The following EFCAB7 variants were observed in gnomAD, a reference collection of about 807,000 sequenced individuals.
EFCAB7 encodes the protein EF-hand calcium binding domain 7.
A neutral mutation model predicts 77.1 loss-of-function variants in EFCAB7; 66 were observed. That is an observed-to-expected ratio of 0.86 (90% CI 0.70 to 1.05). The LOEUF is 1.05. EFCAB7 is among the 50% of genes least tolerant of loss of function. The pLI is 0.00. For synonymous variants in EFCAB7, 225 were observed against 243.3 expected, an observed-to-expected ratio of 0.92 and a Z score of 0.70; for missense variants, 638 against 730.5, an observed-to-expected ratio of 0.87 and a Z score of 1.46.
At chr1:63,542,691 C>T (rs1472300757) in intron 6 of EFCAB7, among the ~76,000 whole-genome samples, 3 of 152,000 alleles carry the variant, frequency 2.0e-5, no homozygotes, top group Non-Finnish European at 2.9e-5. Context: ...TATGATTTGT[C>T]TTTCCTTAAT....
intron 11 of EFCAB7, among the ~76,000 whole-genome samples, chr1:63,564,779 G>A (rs1292663065): frequency 6.6e-6 from 1 of 152,072 alleles, no homozygotes; most frequent in Non-Finnish European, 1.5e-5. Context: ...AAAGAACAAA[G>A]CTGGAGGCAT....
Position 63,557,263 on chromosome 1 carries a change from T to C in EFCAB7, c.1348+16T>C, listed in dbSNP as rs773722286. 37 of 1,585,406 alleles carry C rather than the reference T, an allele frequency of 2.3e-5. No individual in the cohort carries two copies. The South Asian group carries it at 3.9e-4, about 17-fold the overall frequency. ...GTCTGCAGAGGTAAGCACTTTTCTT[T>C]TCCTTAACAGATGTATAAAAATATA... is the stretch of plus-strand genomic sequence containing the variant. On this transcript the variant is annotated intron_variant, in intron 10 of 13. Transcript: ENST00000371088.
At chr1:63,536,136 A>G (rs1646760081) in intron 6 of EFCAB7, among the ~76,000 whole-genome samples, 1 of 152,222 alleles carries the variant, frequency 6.6e-6, no homozygotes, top group African/African-American at 2.4e-5. Context: ...TTTAATGATT[A>G]AAAGAAAAGG....
intron 6 of EFCAB7, 102 bp from the exon 7 acceptor site, chr1:63,545,814 T>A: frequency 2.1e-6 from 2 of 954,464 alleles, no homozygotes; most frequent in Non-Finnish European, 3.2e-6. Context: ...AATGATTATA[T>A]TTGACATTTC....
intron 3 of EFCAB7, 105 bp downstream of exon 3, chr1:63,532,136 G>A (rs1646705197): frequency 1.3e-6 from 1 of 794,720 alleles, no homozygotes; most frequent in African/African-American, 1.8e-5. Flanking sequence ...TTCATTGAGA[G>A]GTTAAATGAA....
chr1:63,531,566 C>A (rs1363048694), intron 2 of EFCAB7, among the ~76,000 whole-genome samples: 1 of 152,008 alleles, frequency 6.6e-6, no homozygotes, highest in Admixed American at 6.6e-5. Context: ...GAGAACCAAA[C>A]TGTCAGAATA....
chr1:63,562,498 A>AC (rs1647120788), intron 11 of EFCAB7, among the ~76,000 whole-genome samples: 1 of 63,300 alleles, frequency 1.6e-5, no homozygotes, highest in African/African-American at 8.0e-5. Flanking sequence ...TATATATAAA[A>AC]CTTTTTTTTT....
chr1:63,583,124 G>A, the EFCAB7 span, among the ~76,000 whole-genome samples: 9 of 152,144 alleles, frequency 5.9e-5, no homozygotes, highest in Admixed American at 1.3e-4. Context: ...AGACTAATGT[G>A]CCCTATTCTG....
chr1:63,566,511 GA>G (rs1281335659), intron 11 of EFCAB7, among the ~76,000 whole-genome samples: 4 of 151,566 alleles, frequency 2.6e-5, no homozygotes, highest in African/African-American at 7.3e-5. Context: ...TAAAAAAAAA[GA>G]AAAAAAATTA....
At chr1:63,545,488 A>G (rs545251962) in intron 6 of EFCAB7, among the ~76,000 whole-genome samples, 2 of 152,044 alleles carry the variant, frequency 1.3e-5, no homozygotes, top group Non-Finnish European at 2.9e-5. Flanking sequence ...TTTTTTTGAG[A>G]CGGAGTTTCC....
the EFCAB7 span, among the ~76,000 whole-genome samples, chr1:63,584,004 A>G: frequency 6.6e-6 from 1 of 152,008 alleles, no homozygotes; most frequent in Non-Finnish European, 1.5e-5. Context: ...GAGAAATTCA[A>G]GACACCACAC....
chr1:63,534,935 C>T (rs1403328094), intron 6 of EFCAB7, among the ~76,000 whole-genome samples: 2 of 152,002 alleles, frequency 1.3e-5, no homozygotes, highest in Non-Finnish European at 2.9e-5. Flanking sequence ...AATTTTAAAA[C>T]ATTATCTCCA....
chr1:63,575,367 A>G (rs1030648301), downstream of EFCAB7, among the ~76,000 whole-genome samples: 19 of 151,962 alleles, frequency 1.3e-4, no homozygotes, highest in Non-Finnish European at 1.5e-5. Context: ...ATGAAGCAGA[A>G]ACTTAATATA....
the EFCAB7 span, among the ~76,000 whole-genome samples, chr1:63,580,052 G>C: frequency 3.3e-5 from 5 of 152,152 alleles, no homozygotes; most frequent in Admixed American, 3.3e-4. Context: ...CGTATAGAGA[G>C]TGAAAGTTTT....
Position 63,551,715 on chromosome 1 carries a change from TTG to T in EFCAB7, c.947-8_947-7del. 2 of 1,463,878 alleles carry T rather than the reference TTG, an allele frequency of 1.4e-6. No individual in the cohort carries two copies. Among genetic ancestry groups the T allele is most frequent in the East Asian group, 2.4e-5 (1 of 42,072 alleles). The allele number at this position is 1,463,878 out of a possible 1,614,324, so 90.7% of individuals were successfully genotyped here. A position where few individuals can be genotyped will look rare whatever the true frequency, so the allele number is the denominator to read the frequency against. ...TTTTAAGGTGTTTGGGCTTTTTTTT[TTG>T]TTTGTAGGAAAACCATCCCCTTGGT... On this transcript the variant is annotated splice_region_variant and splice_polypyrimidine_tract_variant and intron_variant, in intron 7 of 13. Transcript: ENST00000371088.
chr1:63,528,172 G>A (rs984405453), intron 2 of EFCAB7, among the ~76,000 whole-genome samples: 6 of 152,014 alleles, frequency 3.9e-5, no homozygotes, highest in Non-Finnish European at 8.8e-5. Context: ...TGGAAGCAAC[G>A]TAAGAGTTCA....
At chr1:63,559,015 T>C (rs1647062091) in intron 10 of EFCAB7, among the ~76,000 whole-genome samples, 1 of 147,344 alleles carries the variant, frequency 6.8e-6, no homozygotes, top group African/African-American at 2.5e-5. Flanking sequence ...AATTGTCTCT[T>C]AAAAAGAAAA....
At chr1:63,526,984 C>T (rs932819955) in intron 2 of EFCAB7, among the ~76,000 whole-genome samples, 2 of 152,188 alleles carry the variant, frequency 1.3e-5, no homozygotes, top group African/African-American at 4.8e-5. Flanking sequence ...AGGCTGGTCT[C>T]GAGCTCCTGA....
At chr1:63,529,461 C>T (rs982454465) in intron 2 of EFCAB7, among the ~76,000 whole-genome samples, 9 of 152,008 alleles carry the variant, frequency 5.9e-5, no homozygotes, top group Non-Finnish European at 1.0e-4. Flanking sequence ...TGCCTATAAT[C>T]CCAGCACTTT....
Sources: gnomAD v4.1 joint callset for allele counts (sites outside exome capture counted in the v4.1 genomes callset) on GRCh38, gnomAD v4.1.1 for gene constraint, MANE v1.5 for transcripts, NCBI Gene and HGNC (gene_info 2026-07-23, HGNC 2026-07-21) for gene names.